The following RAD51B variants were observed in gnomAD, a reference collection of about 807,000 sequenced individuals.
RAD51B encodes RAD51 paralog B, also known as DNA repair protein RAD51 homolog 2.
A neutral mutation model predicts 42.2 loss-of-function variants in RAD51B; 38 were observed. The observed-to-expected ratio is 0.90, with a 90% CI of 0.70 to 1.18. The LOEUF (loss-of-function observed/expected upper bound fraction) is 1.18. Among genes scored for constraint, RAD51B ranks in the 50% most tolerant of loss-of-function variants. The pLI is 0.00. For synonymous variants in RAD51B, 154 were observed against 145.2 expected, an observed-to-expected ratio of 1.06 and a Z score of -0.43; for missense variants, 373 against 400.7, an observed-to-expected ratio of 0.93 and a Z score of 0.59.
chr14:68,674,726 T>G (rs1680443709), intron 11 of RAD51B, among the ~76,000 whole-genome samples: 2 of 152,268 alleles, frequency 1.3e-5, no homozygotes, highest in East Asian at 3.9e-4. Context: ...GGAAGTCCCA[T>G]TACACAGGGG....
intron 7 of RAD51B, among the ~76,000 whole-genome samples, chr14:67,958,602 T>C (rs1056731995): frequency 6.6e-6 from 1 of 152,184 alleles, no homozygotes; most frequent in African/African-American, 2.4e-5. Context: ...AAACAATATT[T>C]CTCTTTATTT....
At chr14:68,518,576 A>G (rs1203723573) in intron 10 of RAD51B, among the ~76,000 whole-genome samples, 1 of 40,694 alleles carries the variant, frequency 2.5e-5, no homozygotes, top group African/African-American at 8.2e-5. Flanking sequence ...GGCCTCCCCC[A>G]TCCACTTTCA....
exon 11 of RAD51B, chr14:68,594,800 G>A: frequency 8.1e-7 from 1 of 1,235,816 alleles, no homozygotes; most frequent in Non-Finnish European, 1.0e-6. Context: ...GAATGAGAAA[G>A]GGGGCAATGG....
At chr14:68,271,748 C>T (rs1398414835) in intron 7 of RAD51B, among the ~76,000 whole-genome samples, 1 of 152,180 alleles carries the variant, frequency 6.6e-6, no homozygotes, top group Non-Finnish European at 1.5e-5. Context: ...GCTTAGCAGA[C>T]TGATCAACTC....
chr14:68,440,653 A>C (rs1391294684), intron 9 of RAD51B, among the ~76,000 whole-genome samples: 1 of 152,002 alleles, frequency 6.6e-6, no homozygotes, highest in African/African-American at 2.4e-5. Flanking sequence ...GGCTGAGGCA[A>C]GAGAATCACT....
At chr14:68,483,685 C>T (rs1191827525) in intron 10 of RAD51B, among the ~76,000 whole-genome samples, 1 of 152,192 alleles carries the variant, frequency 6.6e-6, no homozygotes, top group Non-Finnish European at 1.5e-5. Context: ...AGCAGCTCTC[C>T]CTGCAAGAGA....
At chr14:68,502,994 T>C (rs896547432) in intron 10 of RAD51B, among the ~76,000 whole-genome samples, 3 of 152,152 alleles carry the variant, frequency 2.0e-5, no homozygotes, top group African/African-American at 7.2e-5. Flanking sequence ...CCTGGACTGG[T>C]CCCTCTGGGA....
intron 9 of RAD51B, among the ~76,000 whole-genome samples, chr14:68,459,771 C>T (rs1267976194): frequency 1.3e-5 from 2 of 152,138 alleles, no homozygotes; most frequent in African/African-American, 4.8e-5. Flanking sequence ...GTCTCTGGGC[C>T]CCACATCTTA....
chr14:68,471,538 C>A (rs1321567152), intron 10 of RAD51B, among the ~76,000 whole-genome samples: 1 of 152,056 alleles, frequency 6.6e-6, no homozygotes, highest in Non-Finnish European at 1.5e-5. Flanking sequence ...CCTTCCCTCC[C>A]CTTTGTTCAC....
At chr14:68,254,870 C>G (rs2080719860) in intron 7 of RAD51B, among the ~76,000 whole-genome samples, 1 of 152,146 alleles carries the variant, frequency 6.6e-6, no homozygotes. Flanking sequence ...AAATTACCCA[C>G]TGGGTACTGA....
intron 8 of RAD51B, among the ~76,000 whole-genome samples, chr14:68,405,962 T>C (rs1442726716): frequency 6.6e-6 from 1 of 151,972 alleles, no homozygotes; most frequent in African/African-American, 2.4e-5. Context: ...TCTAAGCAAC[T>C]AATTTCTAGA....
At chr14:68,303,273 A>G (rs2081784202) in intron 8 of RAD51B, among the ~76,000 whole-genome samples, 1 of 152,170 alleles carries the variant, frequency 6.6e-6, no homozygotes, top group African/African-American at 2.4e-5. Flanking sequence ...CTGAACAATG[A>G]GAACACATGG....
intron 8 of RAD51B, among the ~76,000 whole-genome samples, chr14:68,372,726 C>G (rs926561169): frequency 1.3e-5 from 2 of 152,052 alleles, no homozygotes; most frequent in Non-Finnish European, 2.9e-5. Context: ...ACTCATAAGC[C>G]CAACTTTTTA....
intron 4 of RAD51B, among the ~76,000 whole-genome samples, chr14:67,845,504 C>A (rs957187758): frequency 6.6e-6 from 1 of 151,782 alleles, no homozygotes; most frequent in Admixed American, 6.6e-5. Context: ...CCTGTCTCTA[C>A]AAAAAATGCT....
chr14:67,881,633 T>G (rs771019805), intron 5 of RAD51B, among the ~76,000 whole-genome samples: 11 of 152,222 alleles, frequency 7.2e-5, no homozygotes, highest in African/African-American at 2.7e-4. Context: ...GCCTGGAAAC[T>G]GCCTCTGGAG....
At chr14:68,490,250 C>T (rs2525509) in intron 10 of RAD51B, among the ~76,000 whole-genome samples, 151,450 of 152,326 alleles carry the variant, frequency 0.99, 75,287 homozygotes, top group East Asian at 1. Flanking sequence ...AGTATCAATT[C>T]TTTTGCAAAG....
intron 7 of RAD51B, among the ~76,000 whole-genome samples, chr14:68,034,027 T>C (rs555223806): frequency 1.4e-4 from 21 of 152,272 alleles, no homozygotes; most frequent in African/African-American, 5.1e-4. Flanking sequence ...TGAATCACTA[T>C]ATGTTAATTT....
chr14:68,304,243 T>C (rs2081812650), intron 8 of RAD51B, among the ~76,000 whole-genome samples: 1 of 151,698 alleles, frequency 6.6e-6, no homozygotes, highest in Non-Finnish European at 1.5e-5. Context: ...AATAATAATA[T>C]TGAGTGCCTA....
intron 10 of RAD51B, among the ~76,000 whole-genome samples, chr14:68,537,291 G>T (rs1292129115): frequency 6.6e-6 from 1 of 152,038 alleles, no homozygotes; most frequent in Non-Finnish European, 1.5e-5. Context: ...GAGGCCAGGA[G>T]ATTGAGACCA....
Sources: gnomAD v4.1 joint callset for allele counts (sites outside exome capture counted in the v4.1 genomes callset) on GRCh38, gnomAD v4.1.1 for gene constraint, MANE v1.5 for transcripts, NCBI Gene and HGNC (gene_info 2026-07-23, HGNC 2026-07-21) for gene names.